The following SLC14A2 variants were observed in gnomAD, a reference collection of about 807,000 sequenced individuals.
SLC14A2 encodes solute carrier family 14 member 2.
Under a neutral mutation model 104.6 loss-of-function variants are expected in SLC14A2, and 91 were observed. That is an observed-to-expected ratio of 0.87 (90% CI 0.73 to 1.04). SLC14A2 has a LOEUF of 1.04. SLC14A2 is among the 50% of genes least tolerant of loss of function. The pLI is 0.00. For missense variants in SLC14A2, 1,189 were observed against 1,156.0 expected (o/e 1.03, Z -0.41); for synonymous variants, 476 against 466.4 (o/e 1.02, Z -0.27).
chr18:45,366,854 G>C (rs1463731651), intron 1 of SLC14A2, among the ~76,000 whole-genome samples: 1 of 152,216 alleles, frequency 6.6e-6, no homozygotes, highest in Non-Finnish European at 1.5e-5. Flanking sequence ...ACCCCCTTCA[G>C]AATGGAACAG....
At chr18:45,243,406 C>T (rs989112526) in intron 1 of SLC14A2, among the ~76,000 whole-genome samples, 1 of 152,136 alleles carries the variant, frequency 6.6e-6, no homozygotes, top group Non-Finnish European at 1.5e-5. Flanking sequence ...TCCATGTTCA[C>T]CCAGCTTGGA....
intron 2 of SLC14A2, among the ~76,000 whole-genome samples, chr18:45,576,061 A>C (rs2044414439): frequency 6.6e-6 from 1 of 152,194 alleles, no homozygotes; most frequent in African/African-American, 2.4e-5. Flanking sequence ...GGGAATAAAA[A>C]TGAAATCTGC....
intron 10 of SLC14A2, among the ~76,000 whole-genome samples, chr18:45,662,652 A>AT (rs1220159330): frequency 1.3e-5 from 2 of 152,158 alleles, no homozygotes; most frequent in Non-Finnish European, 2.9e-5. Flanking sequence ...CTGAGCCTCA[A>AT]TTTTCCACCT....
At position 45,457,983 on chromosome 18, in the gene SLC14A2, GAC is replaced by G. The variant is rs1422561238; in HGVS notation, c.-124-25242_-124-25241del. Among the ~76,000 whole-genome samples the G allele has an allele frequency of 2.0e-5, 3 of 152,180 alleles. No homozygotes were observed. In the South Asian group the frequency reaches 6.2e-4, roughly 32 times the overall value. On this transcript the variant is annotated intron_variant, in intron 1 of 20. Coordinates refer to the SLC14A2 transcript ENST00000586448. ...CGGGAGAGGTGACAGGGAAGCTGCA[GAC>G]ACACACATGTGAGCCTTCGTAGGAG...
intron 2 of SLC14A2, among the ~76,000 whole-genome samples, chr18:45,561,656 A>G (rs1347139421): frequency 6.6e-6 from 1 of 152,216 alleles, no homozygotes; most frequent in Non-Finnish European, 1.5e-5. Flanking sequence ...AGAAGGAATT[A>G]AAAACTCTTA....
intron 2 of SLC14A2, among the ~76,000 whole-genome samples, chr18:45,593,700 A>G (rs2144394720): frequency 6.6e-6 from 1 of 152,100 alleles, no homozygotes; most frequent in Non-Finnish European, 1.5e-5. Context: ...CGTGTTAGCC[A>G]GAATGGTCTC....
At chr18:45,419,368 A>T (rs1321571227) in intron 1 of SLC14A2, among the ~76,000 whole-genome samples, 1 of 152,206 alleles carries the variant, frequency 6.6e-6, no homozygotes, top group Non-Finnish European at 1.5e-5. Flanking sequence ...GAGGAAAATG[A>T]TTCTCTCTCT....
At chr18:45,585,845 A>C (rs566729543) in intron 2 of SLC14A2, among the ~76,000 whole-genome samples, 2 of 152,326 alleles carry the variant, frequency 1.3e-5, no homozygotes, top group Non-Finnish European at 2.9e-5. Context: ...GCTCCGCGAG[A>C]GTCCTTGAGT....
chr18:45,249,108 G>A (rs2084395607), intron 1 of SLC14A2, among the ~76,000 whole-genome samples: 1 of 152,160 alleles, frequency 6.6e-6, no homozygotes, highest in Admixed American at 6.5e-5. Context: ...ATACACATGT[G>A]TCTGTTCATG....
At chr18:45,531,387 C>T (rs1213184957) in intron 2 of SLC14A2, among the ~76,000 whole-genome samples, 2 of 152,186 alleles carry the variant, frequency 1.3e-5, no homozygotes, top group Non-Finnish European at 2.9e-5. Flanking sequence ...TTAATGATCG[C>T]CATTCTAACT....
At chr18:45,456,155 C>T (rs543684347) in intron 1 of SLC14A2, among the ~76,000 whole-genome samples, 19 of 152,212 alleles carry the variant, frequency 1.2e-4, no homozygotes, top group African/African-American at 3.9e-4. Flanking sequence ...CCAGCTGTGA[C>T]GATCAAAAGT....
chr18:45,519,827 G>A (rs1050440350), intron 2 of SLC14A2, among the ~76,000 whole-genome samples: 4 of 152,078 alleles, frequency 2.6e-5, no homozygotes, highest in Non-Finnish European at 5.9e-5. Context: ...TTGTGAGATC[G>A]CTCTGGGTTC....
chr18:45,445,789 C>T (rs2086758962), intron 1 of SLC14A2, among the ~76,000 whole-genome samples: 1 of 152,160 alleles, frequency 6.6e-6, no homozygotes, highest in Non-Finnish European at 1.5e-5. Flanking sequence ...TGAGGCCCTT[C>T]CCTCCCAAAT....
intron 1 of SLC14A2, among the ~76,000 whole-genome samples, chr18:45,240,437 G>C (rs1278244807): frequency 1.3e-5 from 2 of 151,822 alleles, no homozygotes; most frequent in African/African-American, 4.8e-5. Context: ...CTCTGGATAG[G>C]ATGCCCAGTA....
At chr18:45,474,771 C>A (rs1197371908) in intron 1 of SLC14A2, among the ~76,000 whole-genome samples, 1 of 151,900 alleles carries the variant, frequency 6.6e-6, no homozygotes, top group Admixed American at 6.6e-5. Context: ...TCTCTCTTTT[C>A]TTCTTTATTG....
intron 5 of SLC14A2, among the ~76,000 whole-genome samples, chr18:45,633,760 T>G (rs1276775187): frequency 1.3e-5 from 2 of 152,284 alleles, no homozygotes; most frequent in Non-Finnish European, 2.9e-5. Flanking sequence ...CTGCAGTTAC[T>G]AAAACCAGCT....
chr18:45,598,642 G>A (rs1343204833), intron 2 of SLC14A2, among the ~76,000 whole-genome samples: 1 of 152,088 alleles, frequency 6.6e-6, no homozygotes, highest in Non-Finnish European at 1.5e-5. Context: ...TAGGCATTGT[G>A]CCTCCTGTAC....
chr18:45,407,823 T>A (rs946164184), intron 1 of SLC14A2, among the ~76,000 whole-genome samples: 3 of 152,164 alleles, frequency 2.0e-5, no homozygotes, highest in Admixed American at 6.6e-5. Context: ...TCAATTAAGT[T>A]CACAATCCTA....
intron 2 of SLC14A2, among the ~76,000 whole-genome samples, chr18:45,546,282 T>G (rs1426309023): frequency 6.6e-6 from 1 of 152,242 alleles, no homozygotes; most frequent in East Asian, 1.9e-4. Flanking sequence ...CTAGAAGAAT[T>G]GCTGAGAGAA....
Sources: allele counts gnomAD v4.1 joint callset (sites outside exome capture counted in the v4.1 genomes callset), GRCh38; gene constraint gnomAD v4.1.1; transcripts MANE v1.5; gene names NCBI Gene and HGNC (gene_info 2026-07-23, HGNC 2026-07-21).